Variants in MUC4 observed in about 807,000 individuals in gnomAD.
MUC4 encodes the protein mucin-4.
Under a neutral mutation model 257.9 loss-of-function variants are expected in MUC4, and 202 were observed. The observed-to-expected ratio is 0.78, with a 90% CI of 0.70 to 0.88. The LOEUF (loss-of-function observed/expected upper bound fraction) is 0.88. MUC4 is among the 40% of genes least tolerant of loss of function. The pLI is 0.00. For missense variants in MUC4, 5,976 were observed against 6,513.7 expected, an observed-to-expected ratio of 0.92 and a Z score of 2.84; for synonymous variants, 2,351 against 2,757.1, an observed-to-expected ratio of 0.85 and a Z score of 4.62.
At position 195,757,166 on chromosome 3, in the gene MUC4, A is replaced by G. The variant is rs761362941; in HGVS notation, c.15149T>C (p.Val5050Ala). The G allele has an allele frequency of 9.4e-6, 15 of 1,595,630 alleles. No individual in the cohort carries two copies. Among genetic ancestry groups the G allele is most frequent in the African/African-American group, 4.0e-5 (3 of 74,548 alleles). ...SQCLYNQTSR[V>A]GNSSLEVAGC... is the part of the protein sequence containing the mutation. ...ACTCACCTCCAGGGAGGAGTTGCCC[A>G]CCCTGCTGGTCTGATTGTACAAACA... Residue 5050 changes from valine (V) to alanine (A), a missense_variant, in exon 18 of 25, where the codon GTG (valine) becomes GCG (alanine). This residue lies in a region of MUC4 where 996 missense variants were observed against 1,137.3 expected (regional missense o/e 0.88). Transcript: ENST00000463781. The surrounding 1 kb of genome is among the most constrained non-coding windows in gnomAD (Gnocchi z 4.8).
Position 195,783,036 on chromosome 3 carries a change from A to T in MUC4, c.8544T>A (p.Pro2848=). Residue 2848 remains proline (P), a synonymous_variant, in exon 2 of 25, where the codon CCT becomes CCA. Transcript: ENST00000463781. ...PSSASSGHTT[P]LPVTDASSVS... ...CTGAGGAAGCGTCGGTGACAGGAAG[A>T]GGGGTGGTGTGACCTGAGGATGCTG... 1 of 1,093,010 alleles carries T rather than the reference A, an allele frequency of 9.1e-7. No individual in the cohort carries two copies. Among genetic ancestry groups the T allele is most frequent in the East Asian group, 4.2e-5 (1 of 24,092 alleles). 67.7% of individuals were successfully genotyped at this position (1,093,010 alleles called of 1,614,324 possible).
chr3:195,774,600 G>C (rs1290942208), intron 3 of MUC4, among the ~76,000 whole-genome samples: 1 of 152,082 alleles, frequency 6.6e-6, no homozygotes, highest in Non-Finnish European at 1.5e-5. Context: ...TCCTTTTCAG[G>C]GTTAAAAGAC....
intron 6 of MUC4, 177 bp from the exon 7 acceptor site, chr3:195,769,329 C>T (rs112082024): frequency 6.6e-5 from 57 of 866,328 alleles, no homozygotes; most frequent in South Asian, 9.7e-5. Flanking sequence ...GTGAGGGCAG[C>T]TTTCACCCTG....
Position 195,783,465 on chromosome 3 carries a change from A to G in MUC4, c.8115T>C (p.Leu2705=). The G allele has an allele frequency of 2.5e-5, 23 of 919,422 alleles. 1 individual carries two copies. The highest frequency in any genetic ancestry group is 3.3e-5 in the Non-Finnish European group (23 of 700,598). 57.0% of individuals were successfully genotyped at this position (919,422 alleles called of 1,614,324 possible). A position where few individuals can be genotyped will look rare whatever the true frequency, so the allele number is the denominator to read the frequency against. The change falls in exon 2 of 25, where the codon CTT becomes CTC. Residue 2705 remains leucine (L), a synonymous_variant. Coordinates refer to ENST00000463781, the MANE Select transcript of MUC4 (RefSeq NM_018406.7). ...ATGCTGAGGAAGTGTCGGTGACAGG[A>G]AGAGAGGTGGTGTCACCTGTGGATG... ...SSASTGDTTS[L]PVTDTSSAYT...
At position 195,788,302 on chromosome 3, in the gene MUC4, T is replaced by A. The variant is rs1175700008; in HGVS notation, c.3278A>T (p.Asp1093Val). 2 of 1,500,838 alleles carry A rather than the reference T, an allele frequency of 1.3e-6. No individual in the cohort carries two copies. The highest frequency in any genetic ancestry group is 5.0e-5 in the East Asian group (2 of 39,764). The allele number at this position is 1,500,838 out of a possible 1,614,324, so 93.0% of individuals were successfully genotyped here. The change falls in exon 2 of 25, where the codon GAC becomes GTC. Residue 1093 changes from aspartate (D) to valine (V), a missense_variant. Asp to Val is a radical substitution (Grantham distance 152). Transcript: ENST00000463781. ...TGDTTPLPVT[D>V]TSSASTGHAT... ...GTGACCTGTGGATGCTGAGGAAGTG[T>A]CAGTGACAGGAAGAGGGGTGGTGTC... is the stretch of plus-strand genomic sequence containing the variant.
rs201590853 is a variant in MUC4 at position 195,766,634 on chromosome 3, G to C, written c.13618+29C>G. 57 of 1,598,694 alleles carry C rather than the reference G, an allele frequency of 3.6e-5. No homozygotes were observed. In the African/African-American group the frequency reaches 6.7e-4, roughly 19 times the overall value. On this transcript the variant is annotated intron_variant, in intron 8 of 24. Transcript: ENST00000463781. ...GAGGACACGCGAGGGCTTGAGACCA[G>C]CTCAGGTGTGATAAGGTGGCACTTT...
In MUC4 at chr3:195,747,248, C is replaced by G. The variant is rs1715207106; in HGVS notation, c.16167G>C (p.Val5389=). 1 of 1,614,264 alleles carries G rather than the reference C, an allele frequency of 6.2e-7. No individual in the cohort carries two copies. The part of the protein sequence containing the change: ...GLLLLGVGTF[V]VLRFWGCSGA... The stretch of plus-strand genomic sequence containing the variant: ...CGGAGCAACCCCAGAAGCGCAGGAC[C>G]ACGAACGTCCCGACCCCCAGCAGCA... Residue 5389 remains valine, a synonymous_variant, in exon 25 of 25, where the codon GTG becomes GTC. Transcript: ENST00000463781.
chr3:195,789,164 A>T lies in MUC4; in HGVS notation c.2416T>A (p.Ser806Thr), dbSNP rs780729858. ...RTTSAGTATP[S>T]SSGASGTTPS... Reference sequence around the variant, plus strand: ...GTTGTGCCACTCGCCCCGGATGAGGAAGGGGTAGCTGTGCCCGCTGAGGTG... The same window carrying T: ...GTTGTGCCACTCGCCCCGGATGAGGTAGGGGTAGCTGTGCCCGCTGAGGTG... Residue 806 changes from serine to threonine, a missense_variant, in exon 2 of 25, where the codon TCC becomes ACC. Ser to Thr is a moderately conservative substitution (Grantham distance 58, BLOSUM62 1). Around this residue, in one of 44 missense-constraint regions of MUC4, gnomAD observed 1,583 missense variants for 1,257.4 expected, o/e 1.26. Coordinates refer to ENST00000463781, the MANE Select transcript of MUC4 (RefSeq NM_018406.7). The T allele has an allele frequency of 1.6e-5, 26 of 1,613,486 alleles. No homozygotes were observed. In the African/African-American group the frequency reaches 3.2e-4, roughly 20 times the overall value.
chr3:195,754,858 T>C (rs1158595500), intron 18 of MUC4, among the ~76,000 whole-genome samples: 1 of 151,302 alleles, frequency 6.6e-6, no homozygotes, highest in African/African-American at 2.4e-5. Context: ...TGTATCCATG[T>C]AGATATGTAT....
At chr3:195,748,487 G>A (rs1715618503) in intron 24 of MUC4, among the ~76,000 whole-genome samples, 1 of 152,220 alleles carries the variant, frequency 6.6e-6, no homozygotes, top group Non-Finnish European at 1.5e-5. Context: ...TCGCTTGAAC[G>A]CGGGAGAAGG....
chr3:195,767,594 C>CCATCAT (rs1721204185), intron 7 of MUC4, among the ~76,000 whole-genome samples: 14 of 111,778 alleles, frequency 1.3e-4, no homozygotes, highest in African/African-American at 3.7e-4. Flanking sequence ...ATCACCACCA[C>CCATCAT]CACCATCATC....
In MUC4 at chr3:195,781,589, C is replaced by A; in HGVS notation, c.9991G>T (p.Val3331Phe). ...ASTGHATPLH[V>F]TSPSSASTGD... is the part of the protein sequence containing the mutation. ...GTGGATGCTGAGGAAGGGCTGGTGA[C>A]ATGAAGAGGGGTGGCGTGACCTGTG... Residue 3331 changes from valine to phenylalanine, a missense_variant, in exon 2 of 25, where the codon GTC becomes TTC. Physicochemically the swap from Val to Phe is conservative, Grantham distance 50. Transcript: ENST00000463781. 3 of 582,646 alleles carry A rather than the reference C, an allele frequency of 5.1e-6. No homozygotes were observed. The highest frequency in any genetic ancestry group is 3.1e-5 in the South Asian group (1 of 32,740). 36.1% of individuals were successfully genotyped at this position (582,646 alleles called of 1,614,324 possible). A position where few individuals can be genotyped will look rare whatever the true frequency, so the allele number is the denominator to read the frequency against.
At chr3:195,775,259 T>G (rs1724115477) in intron 3 of MUC4, among the ~76,000 whole-genome samples, 2 of 152,036 alleles carry the variant, frequency 1.3e-5, no homozygotes, top group African/African-American at 2.4e-5. Context: ...GCCTACAGGA[T>G]TCCCCGCATG....
In MUC4 at chr3:195,789,367, A is replaced by C. The variant is rs1733557566; in HGVS notation, c.2213T>G (p.Leu738Arg). The change falls in exon 2 of 25, where the codon CTT becomes CGT. Residue 738 changes from leucine to arginine, a missense_variant. Physicochemically the swap from Leu to Arg is moderately radical, Grantham distance 102 (BLOSUM62 -2). Transcript: ENST00000463781. ...GGTSLSKTGA[L>R]TLANSVVSTP... is the part of the protein sequence containing the mutation. ...TGACACTACAGAGTTGGCCAGAGTA[A>C]GGGCACCTGTTTTGGAAAGTGACGT... 3 of 1,613,760 alleles carry C rather than the reference A, an allele frequency of 1.9e-6. No individual in the cohort carries two copies. The highest frequency in any genetic ancestry group is 2.7e-5 in the African/African-American group (2 of 74,866).
intron 24 of MUC4, among the ~76,000 whole-genome samples, 173 bp from the exon 25 acceptor site, chr3:195,747,553 G>A (rs1560208928): frequency 6.6e-6 from 1 of 152,282 alleles, no homozygotes; most frequent in Non-Finnish European, 1.5e-5. Flanking sequence ...GGGCAAAGGA[G>A]GCAGGTGTGG....
At chr3:195,771,320 C>T (rs1160774222) in intron 5 of MUC4, among the ~76,000 whole-genome samples, 38 of 138,254 alleles carry the variant, frequency 2.7e-4, no homozygotes, top group Non-Finnish European at 5.2e-4. Context: ...TTGGGGTATT[C>T]CTGGTCAGTC....
chr3:195,794,373 T>C (rs370931737), intron 1 of MUC4, among the ~76,000 whole-genome samples: 2 of 148,794 alleles, frequency 1.3e-5, no homozygotes, highest in Non-Finnish European at 3.0e-5. Flanking sequence ...CATATATATA[T>C]AGAGAGAGAG....
intron 1 of MUC4, among the ~76,000 whole-genome samples, chr3:195,797,966 A>G (rs1353584495): frequency 1.3e-5 from 2 of 152,070 alleles, no homozygotes; most frequent in Non-Finnish European, 2.9e-5. Flanking sequence ...AAAAAAATAA[A>G]AAATTAGCTG....
chr3:195,748,254 C>T (rs1307161760), intron 24 of MUC4, among the ~76,000 whole-genome samples: 1 of 152,252 alleles, frequency 6.6e-6, no homozygotes, highest in East Asian at 1.9e-4. Flanking sequence ...AAGCAGCAGC[C>T]AGATCAGGTG....
Sources: allele counts gnomAD v4.1 joint callset (sites outside exome capture counted in the v4.1 genomes callset), GRCh38; gene constraint gnomAD v4.1.1; regional missense constraint gnomAD v4.1.1; non-coding constraint Gnocchi (gnomAD v3.1); transcripts MANE v1.5; gene names NCBI Gene and HGNC (gene_info 2026-07-23, HGNC 2026-07-21).